CENPV: variants seen among roughly 807,000 people sequenced by gnomAD.
CENPV encodes the protein nuclear protein p30.
Under a neutral mutation model 26.4 loss-of-function variants are expected in CENPV, and 15 were observed. The observed-to-expected ratio is 0.57, with a 90% CI of 0.38 to 0.88. The LOEUF is 0.88. Ranked by LOEUF, CENPV falls within the 40% of genes least tolerant of loss-of-function variation. CENPV has a pLI of 0.00. For missense variants in CENPV, 336 were observed against 376.5 expected, an observed-to-expected ratio of 0.89 and a Z score of 0.89; for synonymous variants, 172 against 165.5, an observed-to-expected ratio of 1.04 and a Z score of -0.30.
chr17:16,345,842 C>T (rs1033545846), intron 3 of CENPV, among the ~76,000 whole-genome samples: 5 of 152,104 alleles, frequency 3.3e-5, no homozygotes, highest in African/African-American at 4.8e-5. Context: ...CCAAACAGAA[C>T]GGCTCAAGGT....
rs774845416 is a variant in CENPV at position 16,353,168 on chromosome 17, G to A, written c.269C>T (p.Pro90Leu). 2.0e-5 allele frequency: 29 copies of A among 1,434,604 alleles called. No homozygotes were observed. The East Asian group carries it at 7.4e-4, about 37-fold the overall frequency. 88.9% of individuals were successfully genotyped at this position (1,434,604 alleles called of 1,614,324 possible). A position where few individuals can be genotyped will look rare whatever the true frequency, so the allele number is the denominator to read the frequency against. The change falls in exon 1 of 5, where the codon CCG (proline) becomes CTG (leucine). Residue 90 changes from proline to leucine, a missense_variant. By Grantham distance (98) the Pro-to-Leu change is moderately conservative. Coordinates refer to ENST00000299736, the MANE Select transcript of CENPV (RefSeq NM_181716.3). ...GGTCGCGGGAGTCGGCGGCGGCGGCGGCGGTGGCGGGAGCAACGCCAGCTC... is the reference window on the plus strand; with the variant it reads ...GGTCGCGGGAGTCGGCGGCGGCGGCAGCGGTGGCGGGAGCAACGCCAGCTC... ...PPELALLPPPPPPPPTPATPT... is the reference protein window; with the variant it reads ...PPELALLPPPLPPPPTPATPT...
Position 16,344,624 on chromosome 17 carries a change from T to C in CENPV, c.667A>G (p.Thr223Ala). 6.3e-7 allele frequency: 1 copy of C among 1,595,176 alleles called. No homozygotes were observed. Among genetic ancestry groups the C allele is most frequent in the South Asian group, 1.1e-5 (1 of 87,734 alleles). ...AAGCCTCCGGGGTTTGATCGTGGAG[T>C]ATAGAAGCTCTGAACGCCACATCTC... ...CKRCGVQSFY[T>A]PRSNPGGFGI... is the part of the protein sequence containing the mutation. The change falls in exon 4 of 5, where the codon ACT becomes GCT. Residue 223 changes from threonine (T) to alanine (A), a missense_variant. Coordinates refer to ENST00000299736, the MANE Select transcript of CENPV (RefSeq NM_181716.3).
intron 2 of CENPV, chr17:16,349,724 G>A (rs1467866795): frequency 9.6e-6 from 13 of 1,352,246 alleles, no homozygotes; most frequent in Non-Finnish European, 1.1e-5. Flanking sequence ...TGTGTCACCT[G>A]GGCCATGCTG....
At chr17:16,346,861 GT>G (rs965000061) in intron 3 of CENPV, among the ~76,000 whole-genome samples, 1 of 145,892 alleles carries the variant, frequency 6.9e-6, no homozygotes, top group Admixed American at 6.9e-5. Flanking sequence ...GTTTTGTTTT[GT>G]TTTTTTGAGA....
intron 3 of CENPV, chr17:16,348,409 G>T: frequency 8.1e-7 from 1 of 1,238,324 alleles, no homozygotes; most frequent in Non-Finnish European, 1.0e-6. Context: ...CATCCATCTT[G>T]GCCTCCCAAA....
At chr17:16,349,813 C>T in intron 2 of CENPV, 118 bp downstream of exon 2, 1 of 1,477,696 alleles carries the variant, frequency 6.8e-7, no homozygotes, top group Middle Eastern at 2.3e-4. Flanking sequence ...CTGACTTCAA[C>T]AGTTACCAGC....
chr17:16,352,919 C>G, intron 1 of CENPV, 108 bp downstream of exon 1: 1 of 1,368,898 alleles, frequency 7.3e-7, no homozygotes, highest in Non-Finnish European at 9.4e-7. Context: ...ACGTGGAAGG[C>G]TCAGAGCTGA....
At chr17:16,348,797 A>G in intron 2 of CENPV, 112 bp from the exon 3 acceptor site, 9 of 1,541,578 alleles carry the variant, frequency 5.8e-6, no homozygotes, top group Non-Finnish European at 7.9e-6. Context: ...CCCTTTCAGC[A>G]CCATCCAGGG....
chr17:16,352,898 T>C, intron 1 of CENPV, 129 bp downstream of exon 1: 1 of 1,276,066 alleles, frequency 7.8e-7, no homozygotes, highest in Non-Finnish European at 1.0e-6. Context: ...GGGAGCCGCG[T>C]CGGCTCCGTA....
chr17:16,353,045 T>C lies in CENPV; in HGVS notation c.392A>G (p.Lys131Arg). The change falls in exon 1 of 5, where the codon AAG becomes AGG. Residue 131 changes from lysine (K) to arginine (R), a missense_variant. Physicochemically the swap from Lys to Arg is conservative, Grantham distance 26. Around this residue, in one of 2 missense-constraint regions of CENPV, gnomAD observed 155 missense variants for 227.8 expected, o/e 0.68. Coordinates refer to ENST00000299736, the MANE Select transcript of CENPV (RefSeq NM_181716.3). ...RQKLTSEGAA[K>R]LLLDTFEYQG... ...CACTCACAAGGTGTCTAGCAGGAGCTTGGCGGCACCCTCGGAGGTAAGCTT... is the reference window on the plus strand; with the variant it reads ...CACTCACAAGGTGTCTAGCAGGAGCCTGGCGGCACCCTCGGAGGTAAGCTT... The C allele has an allele frequency of 6.3e-7, 1 of 1,578,418 alleles. No individual in the cohort carries two copies. Among genetic ancestry groups the C allele is most frequent in the Non-Finnish European group, 8.6e-7 (1 of 1,163,638 alleles).
rs755046971 is a variant in CENPV, at chr17:16,348,770, G to A, written c.510-85C>T. On this transcript the variant is annotated intron_variant, in intron 2 of 4. Transcript: ENST00000299736. ...AGCGGCCCAGCCATGAGAGCCAGCC[G>A]ACCCCACAGATGATGCCCCTTTCAG... 2.7e-5 allele frequency: 43 copies of A among 1,588,070 alleles called. No homozygotes were observed. The Middle Eastern group carries it at 5.1e-4, about 19-fold the overall frequency.
At chr17:16,345,910 A>AG (rs1335723332) in intron 3 of CENPV, among the ~76,000 whole-genome samples, 2 of 152,226 alleles carry the variant, frequency 1.3e-5, no homozygotes, top group African/African-American at 4.8e-5. Context: ...CAGGAAAAAA[A>AG]TATTTGCCAG....
At chr17:16,343,504 G>C (rs1041936667) in intron 4 of CENPV, among the ~76,000 whole-genome samples, 21 of 152,038 alleles carry the variant, frequency 1.4e-4, no homozygotes, top group Non-Finnish European at 1.5e-5. Context: ...GGCTAATTTT[G>C]CATTTTTAGT....
At position 16,348,534 on chromosome 17, in the gene CENPV, G is replaced by A. The variant is rs563629804; in HGVS notation, c.579+82C>T. 2.0e-4 allele frequency: 316 copies of A among 1,594,680 alleles called. 2 individuals are homozygous for A. The highest frequency in any genetic ancestry group is 1.6e-3 in the South Asian group (143 of 89,634). On this transcript the variant is annotated intron_variant, in intron 3 of 4. Coordinates refer to ENST00000299736, the MANE Select transcript of CENPV (RefSeq NM_181716.3). ...TCCAGGCCCCTCCCATGCTACAGAC[G>A]GCATGCTAACAGTTGGGTGGGGGGT...
Position 16,342,943 on chromosome 17 carries a change from T to C in CENPV, c.695-2A>G, listed in dbSNP as rs760595963. ...CATCCAGGCAGTGGGGGGCAATTCC[T>C]ACGAGAAAGTGGCACAGACAAAGGG... is the stretch of plus-strand genomic sequence containing the variant. On this transcript the variant is annotated splice_acceptor_variant, in intron 4 of 4. Coordinates refer to ENST00000299736, the MANE Select transcript of CENPV (RefSeq NM_181716.3). LOFTEE classifies it high-confidence loss of function. 6.2e-7 allele frequency: 1 copy of C among 1,614,052 alleles called. No homozygotes were observed.
At chr17:16,350,090 T>A (rs1437389571) in intron 1 of CENPV, 61 bp from the exon 2 acceptor site, 31 of 1,574,482 alleles carry the variant, frequency 2.0e-5, no homozygotes, top group African/African-American at 2.7e-5. Flanking sequence ...TGCTCTCTTT[T>A]TGTTGCTGAA....
chr17:16,351,802 T>C (rs561636239), intron 1 of CENPV: 1 of 152,376 alleles, frequency 6.6e-6, no homozygotes, highest in Admixed American at 6.5e-5. Context: ...TATCTCAAAT[T>C]TGAGTTTTAC....
rs1301241238 is a variant in CENPV, at chr17:16,342,566, CT to C, written c.*250del. ...ATGTTAAAAATATTTATTTTTTTTC[CT>C]AAAAGATCACACAAAAGTTGGGAAG... On this transcript the variant is annotated 3_prime_UTR_variant, in exon 5 of 5. Transcript: ENST00000299736. 2 of 523,724 alleles carry C rather than the reference CT, an allele frequency of 3.8e-6. No homozygotes were observed. Among genetic ancestry groups the C allele is most frequent in the East Asian group, 6.0e-5 (2 of 33,550 alleles). 32.4% of individuals were successfully genotyped at this position (523,724 alleles called of 1,614,324 possible).
At chr17:16,348,905 T>C (rs1450153325) in intron 2 of CENPV, 4 of 1,339,086 alleles carry the variant, frequency 3.0e-6, no homozygotes, top group Non-Finnish European at 3.9e-6. Flanking sequence ...GGTTCTGCAA[T>C]GCTCAGAACA....
Sources: gnomAD v4.1 joint callset for allele counts (sites outside exome capture counted in the v4.1 genomes callset) on GRCh38, gnomAD v4.1.1 for gene constraint, gnomAD v4.1.1 regional missense constraint, MANE v1.5 for transcripts, NCBI Gene and HGNC (gene_info 2026-07-23, HGNC 2026-07-21) for gene names.